The following LILRA6 variants were observed in gnomAD, a reference collection of about 807,000 sequenced individuals.
The protein encoded by LILRA6 is leukocyte immunoglobulin-like receptor subfamily A member 6.
A neutral mutation model predicts 53.9 loss-of-function variants in LILRA6; 16 were observed. That is an observed-to-expected ratio of 0.30 (90% CI 0.20 to 0.45). The LOEUF (loss-of-function observed/expected upper bound fraction) is 0.45. LILRA6 is among the 20% of genes least tolerant of loss of function. The probability of loss-of-function intolerance (pLI) is 1.00; values close to 1 mark genes in which losing one functional copy is unlikely to be tolerated. For missense variants in LILRA6, 306 were observed against 618.6 expected (o/e 0.49, Z 5.36); for synonymous variants, 135 against 256.4 (o/e 0.53, Z 4.52).
At chr19:54,240,744 C>G in intron 5 of LILRA6, 87 bp downstream of exon 5, 2 of 1,594,792 alleles carry the variant, frequency 1.3e-6, no homozygotes, top group East Asian at 2.2e-5. Context: ...GGACCCCCAC[C>G]CCTCATCCCG....
rs2078760614 is a variant in LILRA6 at position 54,241,429 on chromosome 19, G to C, written c.658+147C>G. 1.6e-5 allele frequency: 18 copies of C among 1,106,690 alleles called. 4 individuals carry two copies. The highest frequency in any genetic ancestry group is 2.2e-5 in the Non-Finnish European group (18 of 802,564). The allele number at this position is 1,106,690 out of a possible 1,614,324, so 68.6% of individuals were successfully genotyped here. On this transcript the variant is annotated intron_variant, in intron 4 of 7. Coordinates refer to ENST00000396365, the Ensembl canonical transcript of LILRA6. ...GCTGAGGGCTCCTCCTCCCATGTCA[G>C]AGCCTCCCCATGGGGTCTCCCTCAT...
chr19:54,238,014 C>CTTCTTTTTTTTT (rs780514010), downstream of LILRA6: 1 of 139,508 alleles, frequency 7.2e-6, no homozygotes, highest in Non-Finnish European at 1.5e-5. Context: ...CTGTGTGTCT[C>CTTCTTTTTTTTT]TTCTTTTTTT....
At position 54,241,566 on chromosome 19, in the gene LILRA6, G is replaced by A. The variant is rs372402649; in HGVS notation, c.658+10C>T. 2.2e-3 allele frequency: 3,263 copies of A among 1,454,958 alleles called. 373 individuals carry two copies. Among genetic ancestry groups the A allele is most frequent in the Non-Finnish European group, 2.9e-3 (3,060 of 1,060,132 alleles). The allele number at this position is 1,454,958 out of a possible 1,614,324, so 90.1% of individuals were successfully genotyped here. ...CGAAAGTGTGTTAGACAAGGCCGTGGCTCCCTCACCTGAGGGCAGAATCTC... is the reference window on the plus strand; with the variant it reads ...CGAAAGTGTGTTAGACAAGGCCGTGACTCCCTCACCTGAGGGCAGAATCTC... On this transcript the variant is annotated intron_variant, in intron 4 of 7. Coordinates refer to ENST00000396365, the Ensembl canonical transcript of LILRA6.
intron 7 of LILRA6, 65 bp downstream of exon 7, chr19:54,239,836 A>T (rs1481101646): frequency 3.9e-6 from 6 of 1,550,686 alleles, no homozygotes; most frequent in Middle Eastern, 3.3e-4. Context: ...GGGGAGTGGG[A>T]TCCTTTGGGA....
exon 8 of LILRA6, chr19:54,239,004 T>C: frequency 6.2e-7 from 1 of 1,611,342 alleles, no homozygotes; most frequent in Non-Finnish European, 8.5e-7. Context: ...GAGCCTCAAA[T>C]AACAGAATCC....
exon 8 of LILRA6, chr19:54,238,650 C>A (rs2078667577): frequency 5.4e-6 from 2 of 371,292 alleles, no homozygotes; most frequent in South Asian, 8.2e-5. Flanking sequence ...GTCATGAATT[C>A]CTCAAGAGTT....
chr19:54,239,194 C>T (rs532167363), intron 7 of LILRA6, 105 bp from the exon 8 acceptor site: 20 of 1,580,156 alleles, frequency 1.3e-5, no homozygotes, highest in Admixed American at 3.6e-5. Flanking sequence ...ATTGACAGAA[C>T]CTGACCCTCT....
In LILRA6 at chr19:54,242,728, C is replaced by T; in HGVS notation, c.24G>A (p.Leu8=). ...ATCTTGAAATCTCACCTAGGCAGAGCAGGGCTGCGAGGGTGGGGGTCATGG... is the reference window on the plus strand; with the variant it reads ...ATCTTGAAATCTCACCTAGGCAGAGTAGGGCTGCGAGGGTGGGGGTCATGG... Residue 8 remains leucine, a synonymous_variant, in exon 1 of 8, where the codon CTG becomes CTA. Transcript: ENST00000396365. The T allele has an allele frequency of 3.7e-6, 4 of 1,068,652 alleles. 2 individuals are homozygous for T. The highest frequency in any genetic ancestry group is 5.1e-6 in the Non-Finnish European group (4 of 778,848). 66.2% of individuals were successfully genotyped at this position (1,068,652 alleles called of 1,614,324 possible). A position where few individuals can be genotyped will look rare whatever the true frequency, so the allele number is the denominator to read the frequency against.
chr19:54,239,303 C>G (rs1165349756), intron 7 of LILRA6: 11 of 1,405,776 alleles, frequency 7.8e-6, no homozygotes, highest in Non-Finnish European at 1.0e-5. Flanking sequence ...GAGCCAGCCT[C>G]TCCCCTGGGC....
chr19:54,242,485 A>G lies in LILRA6; in HGVS notation c.70+34T>C. 1.9e-6 allele frequency: 2 copies of G among 1,077,766 alleles called. 1 individual carries two copies. Among genetic ancestry groups the G allele is most frequent in the Non-Finnish European group, 2.6e-6 (2 of 784,192 alleles). The allele number at this position is 1,077,766 out of a possible 1,614,324, so 66.8% of individuals were successfully genotyped here. On this transcript the variant is annotated intron_variant, in intron 2 of 7. Transcript: ENST00000396365. The stretch of plus-strand genomic sequence containing the variant: ...TGTGTGGCCCTTGTCCCTAGTAAGG[A>G]TGAGGGACCTGGGACAGCTGGGGAC...
At chr19:54,240,275 T>A in exon 6 of LILRA6, 1 of 1,603,626 alleles carries the variant, frequency 6.2e-7, no homozygotes, top group Non-Finnish European at 8.5e-7. Flanking sequence ...CGCCCTCACC[T>A]GAGACCATGA....
downstream of LILRA6, chr19:54,237,001 T>C (rs1250144378): frequency 6.6e-6 from 1 of 150,760 alleles, no homozygotes; most frequent in Non-Finnish European, 1.5e-5. Flanking sequence ...GTGACCATAG[T>C]TAGCAACAGA....
chr19:54,238,171 G>A (rs953321978), downstream of LILRA6: 1 of 150,528 alleles, frequency 6.6e-6, no homozygotes, highest in Non-Finnish European at 1.5e-5. Flanking sequence ...CTGAGTAGCT[G>A]AAATTACAGG....
chr19:54,240,831 C>G lies in LILRA6; in HGVS notation c.955G>C (p.Gly319Arg), dbSNP rs371118566. Reference sequence around the variant, plus strand: ...TGACTGAACCCGCTGGGCTCCTCACCTGCCATCAGGATGTTCAGGGGGTCG... The same window carrying G: ...TGACTGAACCCGCTGGGCTCCTCACGTGCCATCAGGATGTTCAGGGGGTCG... The change falls in exon 5 of 8, where the codon GGA becomes CGA. Residue 319 changes from glycine to arginine, a missense_variant and splice_region_variant. By Grantham distance (125) the Gly-to-Arg change is moderately radical. Transcript: ENST00000396365. The G allele has an allele frequency of 2.1e-4, 331 of 1,612,708 alleles. No homozygotes were observed. The African/African-American group carries it at 4.1e-3, about 20-fold the overall frequency.
At chr19:54,238,975 G>A (rs1306742464) in exon 8 of LILRA6, 2 of 1,611,174 alleles carry the variant, frequency 1.2e-6, no homozygotes, top group Non-Finnish European at 1.7e-6. Context: ...TGCATCTTGG[G>A]GGTTTCTCTG....
exon 3 of LILRA6, chr19:54,242,094 T>A: frequency 3.6e-6 from 5 of 1,395,824 alleles, no homozygotes; most frequent in Non-Finnish European, 4.8e-6. Context: ...GTGGCAGCGG[T>A]ATCTCCCCGC....
Position 54,241,982 on chromosome 19 carries a change from C to G in LILRA6, c.355+44G>C. ...ACACCCCTGAGAGCCGACCCCCTTC[C>G]TGAGGGCAGAGCCTGGGGCTGGGAC... is the stretch of plus-strand genomic sequence containing the variant. On this transcript the variant is annotated intron_variant, in intron 3 of 7. Coordinates refer to ENST00000396365, the Ensembl canonical transcript of LILRA6. 2 of 1,333,874 alleles carry G rather than the reference C, an allele frequency of 1.5e-6. 1 individual carries two copies. 82.6% of individuals were successfully genotyped at this position (1,333,874 alleles called of 1,614,324 possible).
intron 7 of LILRA6, chr19:54,239,677 G>C: frequency 6.5e-7 from 1 of 1,539,542 alleles, no homozygotes; most frequent in Non-Finnish European, 8.8e-7. Flanking sequence ...GGTCAGGACA[G>C]GGAGGTGAAG....
chr19:54,240,786 C>T (rs764537030), intron 5 of LILRA6, 45 bp downstream of exon 5: 2 of 1,611,622 alleles, frequency 1.2e-6, no homozygotes, highest in Admixed American at 3.3e-5. Context: ...CCGGCAGGGC[C>T]TGTGCAGAGC....
Sources: gnomAD v4.1 joint callset for allele counts on GRCh38, gnomAD v4.1.1 for gene constraint, MANE v1.5 for transcripts, NCBI Gene and HGNC (gene_info 2026-07-23, HGNC 2026-07-21) for gene names.